The following RASGEF1A variants were observed in gnomAD, a reference collection of about 807,000 sequenced individuals.
RASGEF1A encodes ras-GEF domain-containing family member 1A.
Under a neutral mutation model 56.4 loss-of-function variants are expected in RASGEF1A, and 18 were observed. The observed-to-expected ratio is 0.32, with a 90% CI of 0.22 to 0.47. The LOEUF (loss-of-function observed/expected upper bound fraction) is 0.47, where lower values mean the gene tolerates loss of function less well. RASGEF1A is among the 20% of genes least tolerant of loss of function. The pLI is 1.00. For synonymous variants in RASGEF1A, 245 were observed against 242.6 expected, an observed-to-expected ratio of 1.01 and a Z score of -0.09; for missense variants, 422 against 627.1, an observed-to-expected ratio of 0.67 and a Z score of 3.49.
chr10:43,213,500 AGAG>A (rs1290872888), intron 1 of RASGEF1A, among the ~76,000 whole-genome samples: 2 of 152,184 alleles, frequency 1.3e-5, no homozygotes, highest in African/African-American at 2.4e-5. Context: ...TAAGAAAGTA[AGAG>A]GAGGGACCCT....
At chr10:43,236,665 A>G (rs1056780773) in intron 1 of RASGEF1A, among the ~76,000 whole-genome samples, 3 of 152,228 alleles carry the variant, frequency 2.0e-5, no homozygotes, top group African/African-American at 7.2e-5. Flanking sequence ...TGGCTTCATC[A>G]CAGCATAACA....
At chr10:43,237,801 C>A (rs1840450717) in intron 1 of RASGEF1A, among the ~76,000 whole-genome samples, 1 of 152,184 alleles carries the variant, frequency 6.6e-6, no homozygotes, top group African/African-American at 2.4e-5. Context: ...CAGGGACCAT[C>A]CCAGCATGGC....
At chr10:43,206,786 G>A in intron 1 of RASGEF1A, 1 of 986,144 alleles carries the variant, frequency 1.0e-6, no homozygotes, top group Non-Finnish European at 1.2e-6. Flanking sequence ...CATGGTGAAG[G>A]TCTTGGGCCA....
chr10:43,215,862 G>T (rs554142826), intron 1 of RASGEF1A, among the ~76,000 whole-genome samples: 2 of 152,328 alleles, frequency 1.3e-5, no homozygotes, highest in South Asian at 2.1e-4. Flanking sequence ...GAATGTGAGT[G>T]GGAAAGCGGT....
chr10:43,203,373 G>A lies in RASGEF1A; in HGVS notation c.246C>T (p.Pro82=), dbSNP rs767389104. ...TFLLSSRVFM[P]PHDLLARVGQ... is the part of the protein sequence containing the mutation. ...CCACGCGGGCCAGCAGGTCATGAGG[G>A]GGCATAAAGACCCGGGAGCTCAGGA... is the stretch of plus-strand genomic sequence containing the variant. The change falls in exon 3 of 13, where the codon CCC becomes CCT. Residue 82 remains proline, a synonymous_variant. Transcript: ENST00000395810. 10 of 1,588,814 alleles carry A rather than the reference G, an allele frequency of 6.3e-6. No homozygotes were observed. The highest frequency in any genetic ancestry group is 1.7e-4 in the Middle Eastern group (1 of 5,762).
intron 1 of RASGEF1A, among the ~76,000 whole-genome samples, chr10:43,220,051 G>T (rs985296448): frequency 4.6e-5 from 7 of 152,158 alleles, no homozygotes; most frequent in African/African-American, 1.7e-4. Context: ...CGTCCTGACT[G>T]CCACCCCCAT....
At chr10:43,242,870 T>C (rs1275588102) in intron 1 of RASGEF1A, among the ~76,000 whole-genome samples, 4 of 152,182 alleles carry the variant, frequency 2.6e-5, no homozygotes, top group Non-Finnish European at 5.9e-5. Context: ...TGGCGTGATC[T>C]CGGCTCACTA....
At chr10:43,244,211 G>C (rs1046675318) in intron 1 of RASGEF1A, among the ~76,000 whole-genome samples, 2 of 152,140 alleles carry the variant, frequency 1.3e-5, no homozygotes, top group Non-Finnish European at 2.9e-5. Context: ...AGTCATCACC[G>C]TTCCCTAATC....
intron 2 of RASGEF1A, among the ~76,000 whole-genome samples, chr10:43,205,069 G>C (rs1340642982): frequency 2.6e-5 from 4 of 152,256 alleles, no homozygotes; most frequent in African/African-American, 9.6e-5. Context: ...AGGTCTGGCA[G>C]GTGGTGAAGC....
At chr10:43,210,695 G>A (rs1415055375) in intron 1 of RASGEF1A, among the ~76,000 whole-genome samples, 1 of 152,238 alleles carries the variant, frequency 6.6e-6, no homozygotes. Flanking sequence ...GACCCATCTC[G>A]AGGCAGCAGA....
At chr10:43,255,923 G>A (rs1281818096) in intron 1 of RASGEF1A, among the ~76,000 whole-genome samples, 1 of 152,178 alleles carries the variant, frequency 6.6e-6, no homozygotes, top group East Asian at 1.9e-4. Context: ...GGTGCAGTGT[G>A]GTCTGGGCTT....
At chr10:43,237,854 G>C (rs1480348278) in intron 1 of RASGEF1A, among the ~76,000 whole-genome samples, 2 of 152,172 alleles carry the variant, frequency 1.3e-5, no homozygotes, top group Admixed American at 1.3e-4. Context: ...GAATGTCCCA[G>C]GACCGCCATG....
chr10:43,248,492 T>G lies in RASGEF1A; in HGVS notation c.-7+18353A>C, dbSNP rs565780059. On this transcript the variant is annotated intron_variant, in intron 1 of 12. Transcript: ENST00000395810. ...ATTTAAGTTATGTGAATTATATATTTCAATTTCTTAGAAGAAAAGATGACG... is the reference window on the plus strand; with the variant it reads ...ATTTAAGTTATGTGAATTATATATTGCAATTTCTTAGAAGAAAAGATGACG... 3.3e-5 allele frequency among the ~76,000 whole-genome samples: 5 copies of G among 152,254 alleles called. No individual in the cohort carries two copies. In the East Asian group the frequency reaches 9.6e-4, roughly 29 times the overall value.
At chr10:43,236,050 G>A (rs1213027593) in intron 1 of RASGEF1A, among the ~76,000 whole-genome samples, 1 of 152,234 alleles carries the variant, frequency 6.6e-6, no homozygotes, top group Admixed American at 6.5e-5. Context: ...GACAGCACAT[G>A]GAAATAGGGC....
chr10:43,227,903 C>T (rs185717921), intron 1 of RASGEF1A, among the ~76,000 whole-genome samples: 1 of 152,156 alleles, frequency 6.6e-6, no homozygotes, highest in Admixed American at 6.5e-5. Flanking sequence ...CTTCAGAATA[C>T]CCCCAGAATC....
At chr10:43,197,888 G>C (rs993682450) in intron 10 of RASGEF1A, 116 bp downstream of exon 10, 1 of 875,494 alleles carries the variant, frequency 1.1e-6, no homozygotes, top group Non-Finnish European at 1.8e-6. Context: ...GAAGGCCCTT[G>C]TGAACCTCAG....
intron 1 of RASGEF1A, among the ~76,000 whole-genome samples, chr10:43,253,106 G>GC (rs1394583978): frequency 3.3e-5 from 5 of 152,128 alleles, no homozygotes; most frequent in African/African-American, 1.2e-4. Flanking sequence ...AGGCGGGGGT[G>GC]CCCCCACACA....
At chr10:43,254,012 C>T (rs146282408) in intron 1 of RASGEF1A, among the ~76,000 whole-genome samples, 2,597 of 152,278 alleles carry the variant, frequency 0.017, 74 homozygotes, top group African/African-American at 0.059. Flanking sequence ...GCCTGCCTCC[C>T]CATGGGGTCT....
intron 1 of RASGEF1A, among the ~76,000 whole-genome samples, chr10:43,242,648 T>G (rs925615438): frequency 6.6e-6 from 1 of 151,934 alleles, no homozygotes; most frequent in Admixed American, 6.6e-5. Context: ...TTCTCCTGCC[T>G]CGGCCTGCCA....
Sources: allele counts gnomAD v4.1 joint callset (sites outside exome capture counted in the v4.1 genomes callset), GRCh38; gene constraint gnomAD v4.1.1; transcripts MANE v1.5; gene names NCBI Gene and HGNC (gene_info 2026-07-23, HGNC 2026-07-21).